Variants in PSEN1 observed in about 807,000 individuals in gnomAD.
PSEN1 encodes the protein presenilin 1.
Under a neutral mutation model 53.5 loss-of-function variants are expected in PSEN1, and 15 were observed. The observed-to-expected ratio is 0.28, with a 90% CI of 0.19 to 0.43. The LOEUF is 0.43. Ranked by LOEUF, PSEN1 falls within the 20% of genes least tolerant of loss-of-function variation. The pLI, the probability that PSEN1 is intolerant of heterozygous loss-of-function variation, is 1.00. For synonymous variants in PSEN1, 208 were observed against 209.8 expected, an observed-to-expected ratio of 0.99 and a Z score of 0.08; for missense variants, 387 against 571.2, an observed-to-expected ratio of 0.68 and a Z score of 3.29.
chr14:73,163,439 C>CA (rs1204372882), intron 3 of PSEN1, among the ~76,000 whole-genome samples: 1 of 152,156 alleles, frequency 6.6e-6, no homozygotes, highest in East Asian at 1.9e-4. Context: ...GCTTCACAAA[C>CA]AATCTTACAG....
chr14:73,153,463 A>T (rs1897278164), intron 3 of PSEN1, among the ~76,000 whole-genome samples: 1 of 152,224 alleles, frequency 6.6e-6, no homozygotes, highest in African/African-American at 2.4e-5. Context: ...GACTCCAGGG[A>T]ATCACAAAGC....
At chr14:73,188,719 A>G (rs1898607163) in intron 6 of PSEN1, among the ~76,000 whole-genome samples, 1 of 152,192 alleles carries the variant, frequency 6.6e-6, no homozygotes, top group Non-Finnish European at 1.5e-5. Flanking sequence ...CTCATAGGGA[A>G]GCTAGAAGCT....
At position 73,223,575 on chromosome 14, in the gene PSEN1, C is replaced by G. The variant is rs570457259; in HGVS notation, c.*4286C>G. The G allele has an allele frequency of 1.3e-5, 2 of 152,278 alleles. No individual in the cohort carries two copies. Among genetic ancestry groups the G allele is most frequent in the African/African-American group, 4.8e-5 (2 of 41,560 alleles). The allele number at this position is 152,278 out of a possible 1,614,324, so 9.4% of individuals were successfully genotyped here. A position where few individuals can be genotyped will look rare whatever the true frequency, so the allele number is the denominator to read the frequency against. On this transcript the variant is annotated 3_prime_UTR_variant, in exon 12 of 12. Coordinates refer to ENST00000324501, the MANE Select transcript of PSEN1 (RefSeq NM_000021.4). ...GACACTGCTTTGTACTTAATTCAGA[C>G]AGACTGTGAATACACCTTTTTTATA...
At chr14:73,140,333 CCCGAGTAGCTGGGACTACAGGCGTG>C (rs1487799554) in intron 1 of PSEN1, among the ~76,000 whole-genome samples, 2 of 148,766 alleles carry the variant, frequency 1.3e-5, no homozygotes, top group Non-Finnish European at 1.5e-5. Context: ...GCCTCAGCCT[CCCGAGTAGCTGGGACTACAGGCGTG>C]TGCCACCACA....
intron 8 of PSEN1, among the ~76,000 whole-genome samples, chr14:73,202,467 T>A (rs1453719880): frequency 1.0e-4 from 5 of 47,674 alleles, no homozygotes; most frequent in African/African-American, 2.5e-4. Flanking sequence ...TATATATTTT[T>A]TTTTTTTTTT....
chr14:73,208,221 G>A (rs113901631), intron 9 of PSEN1, among the ~76,000 whole-genome samples: 10,533 of 152,260 alleles, frequency 0.069, 532 homozygotes, highest in South Asian at 0.19. Context: ...TGGGGGGCAC[G>A]TTTCAGCCCT....
intron 3 of PSEN1, among the ~76,000 whole-genome samples, chr14:73,159,637 A>C (rs1470599277): frequency 6.6e-6 from 1 of 152,160 alleles, no homozygotes; most frequent in Non-Finnish European, 1.5e-5. Context: ...TCAGTTGTCC[A>C]TATATGTGTC....
chr14:73,171,165 C>A, intron 4 of PSEN1, 118 bp downstream of exon 4: 1 of 1,248,784 alleles, frequency 8.0e-7, no homozygotes, highest in Non-Finnish European at 1.1e-6. Context: ...GAGAGCCCAT[C>A]CTCTGTGATG....
At position 73,211,227 on chromosome 14, in the gene PSEN1, C is replaced by A. The variant is rs150429321; in HGVS notation, c.956-542C>A. ...GTGGCTCAGGGATGTTTTCAAGTAG[C>A]CCAACTTCCTACTCTACCATCACTA... On this transcript the variant is annotated intron_variant, in intron 9 of 11. Transcript: ENST00000324501. Among the ~76,000 whole-genome samples, 418 of 152,278 alleles carry A rather than the reference C, an allele frequency of 2.7e-3. 3 individuals carry two copies. Among genetic ancestry groups the A allele is most frequent in the African/African-American group, 9.6e-3 (399 of 41,552 alleles).
chr14:73,157,080 C>G (rs1897379083), intron 3 of PSEN1, among the ~76,000 whole-genome samples: 1 of 151,908 alleles, frequency 6.6e-6, no homozygotes, highest in South Asian at 2.1e-4. Context: ...ACTTTCCTCT[C>G]ATTTGACACT....
intron 3 of PSEN1, among the ~76,000 whole-genome samples, chr14:73,153,978 T>C (rs1897292396): frequency 6.6e-6 from 1 of 152,068 alleles, no homozygotes; most frequent in Non-Finnish European, 1.5e-5. Context: ...CCTCTCAAAG[T>C]GTTGGGATTA....
At chr14:73,198,223 T>A in intron 8 of PSEN1, 94 bp downstream of exon 8, 1 of 779,676 alleles carries the variant, frequency 1.3e-6, no homozygotes, top group Non-Finnish European at 2.2e-6. Flanking sequence ...TGGTACTTGT[T>A]CTCATCTTAA....
At chr14:73,208,930 G>A in intron 9 of PSEN1, 1 of 453,450 alleles carries the variant, frequency 2.2e-6, no homozygotes, top group South Asian at 1.6e-5. Flanking sequence ...GCTGCCTTCA[G>A]CCCCTCCTCA....
At chr14:73,193,404 G>C (rs562619386) in intron 7 of PSEN1, among the ~76,000 whole-genome samples, 2 of 151,894 alleles carry the variant, frequency 1.3e-5, no homozygotes, top group African/African-American at 4.8e-5. Flanking sequence ...AATTAGCTGG[G>C]TGTGGTGGCG....
chr14:73,217,202 A>G lies in PSEN1; in HGVS notation c.1206A>G (p.Gly402=), dbSNP rs1312200564. The change falls in exon 11 of 12, where the codon GGA becomes GGG. Residue 402 remains glycine, a synonymous_variant. Transcript: ENST00000324501. ...LVGKASATAS[G]DWNTTIACFV... The stretch of plus-strand genomic sequence containing the variant: ...GTAAAGCCTCAGCAACAGCCAGTGG[A>G]GACTGGAACACAACCATAGCCTGTT... 2 of 1,613,818 alleles carry G rather than the reference A, an allele frequency of 1.2e-6. No homozygotes were observed. The highest frequency in any genetic ancestry group is 1.7e-6 in the Non-Finnish European group (2 of 1,179,658).
intron 5 of PSEN1, among the ~76,000 whole-genome samples, chr14:73,183,334 GT>G (rs1256354487): frequency 6.6e-6 from 1 of 151,628 alleles, no homozygotes; most frequent in Non-Finnish European, 1.5e-5. Flanking sequence ...ATTCTTGGGT[GT>G]TTCTCACAGA....
chr14:73,217,033 T>A, intron 10 of PSEN1, 93 bp from the exon 11 acceptor site: 1 of 1,308,724 alleles, frequency 7.6e-7, no homozygotes. Flanking sequence ...CTCTCATTCA[T>A]TGTGGGGTTG....
chr14:73,182,412 G>T (rs1439690916), intron 5 of PSEN1, among the ~76,000 whole-genome samples: 1 of 152,056 alleles, frequency 6.6e-6, no homozygotes, highest in Non-Finnish European at 1.5e-5. Flanking sequence ...TGGGAGTATG[G>T]CTTGAGCCCA....
At chr14:73,202,445 TATATATATATATATATA>T (rs1476466255) in intron 8 of PSEN1, among the ~76,000 whole-genome samples, 32 of 17,498 alleles carry the variant, frequency 1.8e-3, no homozygotes, top group Middle Eastern at 0.014. Context: ...TATATATATA[TATATATATATATATATA>T]TTTTTTTTTT....
Sources: gnomAD v4.1 joint callset for allele counts (sites outside exome capture counted in the v4.1 genomes callset) on GRCh38, gnomAD v4.1.1 for gene constraint, MANE v1.5 for transcripts, NCBI Gene and HGNC (gene_info 2026-07-23, HGNC 2026-07-21) for gene names.